The following IGSF11 variants were observed in gnomAD, a reference collection of about 807,000 sequenced individuals.
The protein encoded by IGSF11 is CXADR like 1.
IGSF11 carries 22 observed loss-of-function variants against 41.0 expected under a neutral mutation model. That is an observed-to-expected ratio of 0.54 (90% CI 0.38 to 0.77). IGSF11 has a LOEUF of 0.77. Among genes scored for constraint, IGSF11 ranks in the 30% least tolerant of loss-of-function variants. The pLI, the probability that IGSF11 is intolerant of heterozygous loss-of-function variation, is 0.00. For synonymous variants in IGSF11, 219 were observed against 201.3 expected, an observed-to-expected ratio of 1.09 and a Z score of -0.74; for missense variants, 444 against 530.8, an observed-to-expected ratio of 0.84 and a Z score of 1.61.
At chr3:119,097,732 A>G (rs1576795248) in intron 1 of IGSF11, among the ~76,000 whole-genome samples, 1 of 152,100 alleles carries the variant, frequency 6.6e-6, no homozygotes, top group East Asian at 1.9e-4. Context: ...ACAAACCTCA[A>G]GAGAAAGCAC....
At chr3:119,093,239 C>T (rs1367593238) in intron 1 of IGSF11, among the ~76,000 whole-genome samples, 2 of 152,176 alleles carry the variant, frequency 1.3e-5, no homozygotes, top group Non-Finnish European at 2.9e-5. Flanking sequence ...TTCAACACTT[C>T]TGTATTTTAC....
intron 1 of IGSF11, among the ~76,000 whole-genome samples, chr3:119,032,448 T>G (rs1940494491): frequency 6.6e-6 from 1 of 152,188 alleles, no homozygotes; most frequent in Non-Finnish European, 1.5e-5. Flanking sequence ...GTAAGGAAAC[T>G]GAACATCAGT....
intron 1 of IGSF11, among the ~76,000 whole-genome samples, chr3:119,137,463 T>C (rs1223055600): frequency 6.6e-6 from 1 of 152,180 alleles, no homozygotes; most frequent in Non-Finnish European, 1.5e-5. Flanking sequence ...AGAACATACA[T>C]TGCGGAAAGG....
At chr3:118,917,030 G>C (rs1379962973) in intron 4 of IGSF11, among the ~76,000 whole-genome samples, 1 of 152,118 alleles carries the variant, frequency 6.6e-6, no homozygotes, top group East Asian at 1.9e-4. Flanking sequence ...GGAAATGAAG[G>C]CAGAAATAAA....
intron 1 of IGSF11, among the ~76,000 whole-genome samples, chr3:118,976,451 T>A (rs1262845117): frequency 6.6e-6 from 1 of 152,170 alleles, no homozygotes. Context: ...ACCACCATCA[T>A]CATTGAAGTG....
intron 4 of IGSF11, among the ~76,000 whole-genome samples, chr3:118,910,820 C>A (rs1309407034): frequency 6.6e-6 from 1 of 152,180 alleles, no homozygotes; most frequent in Non-Finnish European, 1.5e-5. Flanking sequence ...ATAATACCCA[C>A]TTTTAACCAG....
intron 1 of IGSF11, among the ~76,000 whole-genome samples, chr3:119,001,004 C>G (rs907012702): frequency 6.6e-6 from 1 of 152,108 alleles, no homozygotes; most frequent in Non-Finnish European, 1.5e-5. Context: ...CCTATTCTGA[C>G]TGTTTCTCCA....
chr3:119,048,124 A>C (rs202165233), intron 1 of IGSF11, among the ~76,000 whole-genome samples: 1 of 152,120 alleles, frequency 6.6e-6, no homozygotes, highest in Non-Finnish European at 1.5e-5. Flanking sequence ...AAAAGCTAGC[A>C]GAAGGCAAGA....
At chr3:119,000,053 A>G (rs1270063966) in intron 1 of IGSF11, among the ~76,000 whole-genome samples, 1 of 145,260 alleles carries the variant, frequency 6.9e-6, no homozygotes, top group African/African-American at 2.6e-5. Context: ...TCTTCCAAAG[A>G]TTCATTATTC....
chr3:119,008,640 T>A (rs1187278622), intron 1 of IGSF11, among the ~76,000 whole-genome samples: 1 of 152,234 alleles, frequency 6.6e-6, no homozygotes, highest in African/African-American at 2.4e-5. Context: ...AGAGTGTTCC[T>A]GAATTAGGGT....
intron 1 of IGSF11, among the ~76,000 whole-genome samples, chr3:119,133,142 T>A (rs536939654): frequency 3.3e-5 from 5 of 151,964 alleles, no homozygotes; most frequent in African/African-American, 4.8e-5. Flanking sequence ...CACCATAACA[T>A]CACAATTAAA....
At chr3:119,057,122 G>A (rs951656746) in intron 1 of IGSF11, among the ~76,000 whole-genome samples, 49 of 152,242 alleles carry the variant, frequency 3.2e-4, no homozygotes, top group African/African-American at 1.1e-3. Flanking sequence ...GTTCTGGCCA[G>A]GGCAATTAGG....
intron 1 of IGSF11, among the ~76,000 whole-genome samples, chr3:119,071,058 G>T (rs1303032976): frequency 6.6e-6 from 1 of 152,194 alleles, no homozygotes; most frequent in Non-Finnish European, 1.5e-5. Context: ...GTGGCTTGCA[G>T]TTAGGAGGCT....
chr3:118,958,101 G>GA (rs1390372677), intron 1 of IGSF11, among the ~76,000 whole-genome samples: 2 of 152,184 alleles, frequency 1.3e-5, no homozygotes, highest in Admixed American at 6.5e-5. Flanking sequence ...AGAATCACTT[G>GA]AAAATCACCT....
intron 1 of IGSF11, among the ~76,000 whole-genome samples, chr3:119,110,286 C>A (rs910516947): frequency 1.3e-5 from 2 of 151,886 alleles, no homozygotes; most frequent in Non-Finnish European, 2.9e-5. Context: ...GTATTGGGTG[C>A]ATATATATTT....
intron 1 of IGSF11, among the ~76,000 whole-genome samples, chr3:119,031,210 T>A (rs1410336640): frequency 6.6e-6 from 1 of 152,132 alleles, no homozygotes; most frequent in Non-Finnish European, 1.5e-5. Context: ...TGAGCCAAGA[T>A]GGCGCCACTG....
At chr3:119,001,806 A>T (rs1309784883) in intron 1 of IGSF11, among the ~76,000 whole-genome samples, 3 of 144,040 alleles carry the variant, frequency 2.1e-5, no homozygotes, top group Admixed American at 6.9e-5. Context: ...TGAACTCATC[A>T]TTTTTTATGG....
At chr3:118,927,170 C>T (rs73856926) in intron 3 of IGSF11, among the ~76,000 whole-genome samples, 3,041 of 152,196 alleles carry the variant, frequency 0.02, 96 homozygotes, top group African/African-American at 0.068. Flanking sequence ...ATCCTAACTA[C>T]TGCGGTGGGG....
In IGSF11 at chr3:119,007,478, T is replaced by G. The variant is rs1937582678; in HGVS notation, c.52+27053A>C. Among the ~76,000 whole-genome samples, 3 of 152,012 alleles carry G rather than the reference T, an allele frequency of 2.0e-5. No homozygotes were observed. The South Asian group carries it at 6.2e-4, about 32-fold the overall frequency. The stretch of plus-strand genomic sequence containing the variant: ...CGGAGCTGTTCCTATTCGGCCATCT[T>G]GGCTCCTCCCCCAGATTCATTATTC... On this transcript the variant is annotated intron_variant, in intron 1 of 6. Transcript: ENST00000393775.
Sources: gnomAD v4.1 joint callset for allele counts (sites outside exome capture counted in the v4.1 genomes callset) on GRCh38, gnomAD v4.1.1 for gene constraint, MANE v1.5 for transcripts, NCBI Gene and HGNC (gene_info 2026-07-23, HGNC 2026-07-21) for gene names.